Variants in CTNNA2 observed in about 807,000 individuals in gnomAD.
CTNNA2 encodes catenin alpha 2.
Under a neutral mutation model 101.0 loss-of-function variants are expected in CTNNA2, and 42 were observed. That is an observed-to-expected ratio of 0.42 (90% CI 0.32 to 0.54). The LOEUF (loss-of-function observed/expected upper bound fraction) is 0.54. CTNNA2 is among the 20% of genes least tolerant of loss of function. The probability of loss-of-function intolerance (pLI) is 0.14; values close to 1 mark genes in which losing one functional copy is unlikely to be tolerated. For missense variants in CTNNA2, 871 were observed against 1,223.1 expected (o/e 0.71, Z 4.29); for synonymous variants, 450 against 456.4 (o/e 0.99, Z 0.18).
chr2:80,142,151 C>G lies in CTNNA2; in HGVS notation c.1056+232354C>G, dbSNP rs544765435. Among the ~76,000 whole-genome samples, 8 of 152,254 alleles carry G rather than the reference C, an allele frequency of 5.3e-5. No individual in the cohort carries two copies. The South Asian group carries it at 1.2e-3, about 24-fold the overall frequency. On this transcript the variant is annotated intron_variant, in intron 7 of 18. Coordinates refer to ENST00000402739, the MANE Select transcript of CTNNA2 (RefSeq NM_001282597.3). The stretch of plus-strand genomic sequence containing the variant: ...TTGGATGCACCTATGTCTTATGAGC[C>G]CCTGCCTCAAGATGTCCCACTTTTT...
intron 1 of CTNNA2, among the ~76,000 whole-genome samples, chr2:79,545,317 A>G (rs1050617960): frequency 6.6e-6 from 1 of 152,192 alleles, no homozygotes; most frequent in African/African-American, 2.4e-5. Flanking sequence ...CTCCCTGTCC[A>G]TAGGCTCAGT....
chr2:80,620,992 G>A lies in CTNNA2; in HGVS notation c.2574+1764G>A, dbSNP rs918283. Among the ~76,000 whole-genome samples the A allele has an allele frequency of 6.5e-3, 991 of 151,902 alleles. 5 individuals are homozygous for A. The highest frequency in any genetic ancestry group is 0.012 in the South Asian group (56 of 4,820). ...GTTCAGTGTTTTTTAAATTCATTTC[G>A]TATGTATTAAAAGTTTAATTTTAAA... On this transcript the variant is annotated intron_variant, in intron 18 of 18. Transcript: ENST00000402739.
At chr2:79,769,505 A>G (rs981449703) in intron 3 of CTNNA2, among the ~76,000 whole-genome samples, 1 of 152,174 alleles carries the variant, frequency 6.6e-6, no homozygotes, top group African/African-American at 2.4e-5. Flanking sequence ...AAACTTCTGG[A>G]TTATATATAC....
At chr2:80,220,582 G>T (rs1325551119) in intron 7 of CTNNA2, among the ~76,000 whole-genome samples, 1 of 152,138 alleles carries the variant, frequency 6.6e-6, no homozygotes, top group Non-Finnish European at 1.5e-5. Context: ...AAAGAGTTAA[G>T]AAAAGATTCC....
At chr2:80,523,934 A>T (rs1689799310) in intron 9 of CTNNA2, among the ~76,000 whole-genome samples, 3 of 152,184 alleles carry the variant, frequency 2.0e-5, no homozygotes, top group Admixed American at 1.3e-4. Flanking sequence ...GATGTGAGGC[A>T]TGACTTTGAC....
chr2:80,045,518 C>T (rs1696456313), intron 7 of CTNNA2, among the ~76,000 whole-genome samples: 1 of 152,146 alleles, frequency 6.6e-6, no homozygotes. Flanking sequence ...AGAATTTTGT[C>T]ACACTAAATA....
At chr2:79,671,281 C>G (rs1304049527) in intron 2 of CTNNA2, among the ~76,000 whole-genome samples, 1 of 152,190 alleles carries the variant, frequency 6.6e-6, no homozygotes, top group African/African-American at 2.4e-5. Context: ...TTGACTAGCT[C>G]CAGCTCCGCA....
At chr2:79,695,209 G>A (rs964513293) in intron 2 of CTNNA2, among the ~76,000 whole-genome samples, 4 of 151,864 alleles carry the variant, frequency 2.6e-5, no homozygotes, top group African/African-American at 9.7e-5. Context: ...CTTGGGGTTA[G>A]GGCAGAGTTG....
chr2:79,775,692 A>AT (rs1454883233), intron 3 of CTNNA2, among the ~76,000 whole-genome samples: 2 of 152,186 alleles, frequency 1.3e-5, no homozygotes, highest in Admixed American at 6.5e-5. Context: ...ACATTAGGCC[A>AT]TTTTTTTATG....
intron 7 of CTNNA2, among the ~76,000 whole-genome samples, chr2:80,129,939 A>C (rs1573170510): frequency 6.6e-6 from 1 of 152,186 alleles, no homozygotes; most frequent in Non-Finnish European, 1.5e-5. Flanking sequence ...GATGAGAGTC[A>C]GAACTGAAAT....
chr2:80,393,416 CA>C, intron 8 of CTNNA2, 125 bp downstream of exon 8: 1 of 665,316 alleles, frequency 1.5e-6, no homozygotes, highest in Non-Finnish European at 2.5e-6. Flanking sequence ...TTTACATATA[CA>C]AATAAAAACC....
intron 7 of CTNNA2, among the ~76,000 whole-genome samples, chr2:80,391,803 A>G (rs1677541782): frequency 6.6e-6 from 1 of 152,222 alleles, no homozygotes; most frequent in Admixed American, 6.5e-5. Flanking sequence ...TCAAAGTTGT[A>G]AAATGTTAGC....
At chr2:80,639,655 C>A (rs944905602) in intron 18 of CTNNA2, among the ~76,000 whole-genome samples, 1 of 152,080 alleles carries the variant, frequency 6.6e-6, no homozygotes, top group Admixed American at 6.5e-5. Flanking sequence ...AAATCATCCC[C>A]AAAATGTTTT....
chr2:79,933,777 G>A (rs551152223), intron 7 of CTNNA2, among the ~76,000 whole-genome samples: 1 of 152,196 alleles, frequency 6.6e-6, no homozygotes, highest in Admixed American at 6.5e-5. Context: ...TTCTTTACAT[G>A]GTCTAACCAC....
intron 9 of CTNNA2, among the ~76,000 whole-genome samples, chr2:80,536,891 C>T (rs1691079482): frequency 6.6e-6 from 1 of 152,174 alleles, no homozygotes; most frequent in African/African-American, 2.4e-5. Flanking sequence ...GATTAAAAAA[C>T]ATCTTGCCTT....
chr2:79,281,109 G>T (rs536396911), intron 2 of CTNNA2, among the ~76,000 whole-genome samples: 15 of 152,056 alleles, frequency 9.9e-5, no homozygotes, highest in African/African-American at 3.6e-4. Context: ...CTCATCTCAA[G>T]ATATGCTTCT....
intron 3 of CTNNA2, among the ~76,000 whole-genome samples, chr2:79,354,196 A>C (rs1247555042): frequency 6.6e-6 from 1 of 152,030 alleles, no homozygotes; most frequent in Non-Finnish European, 1.5e-5. Context: ...GGTTCTCCGA[A>C]TTTCTTGAAT....
At chr2:80,297,932 T>C (rs190722689) in intron 7 of CTNNA2, among the ~76,000 whole-genome samples, 106 of 152,192 alleles carry the variant, frequency 7.0e-4, no homozygotes, top group African/African-American at 2.3e-3. Context: ...TGATTAGTGC[T>C]AGAAGGTAGT....
intron 7 of CTNNA2, among the ~76,000 whole-genome samples, chr2:80,340,251 A>G (rs1672110539): frequency 1.3e-5 from 2 of 152,144 alleles, no homozygotes; most frequent in South Asian, 4.2e-4. Context: ...GCCTGGTTCT[A>G]CAATGGCATC....
Sources: gnomAD v4.1 joint callset for allele counts (sites outside exome capture counted in the v4.1 genomes callset) on GRCh38, gnomAD v4.1.1 for gene constraint, MANE v1.5 for transcripts, NCBI Gene and HGNC (gene_info 2026-07-23, HGNC 2026-07-21) for gene names.